ARL15: variants seen among roughly 807,000 people sequenced by gnomAD.
The protein encoded by ARL15 is ADP-ribosylation factor-like protein 15.
In ARL15, 19 loss-of-function variants were observed where a neutral mutation model predicts 25.2. The observed-to-expected ratio is 0.75, with a 90% CI of 0.53 to 1.10. ARL15 has a LOEUF of 1.10. ARL15 is among the 50% of genes least tolerant of loss of function. The pLI, the probability that ARL15 is intolerant of heterozygous loss-of-function variation, is 0.00. For synonymous variants in ARL15, 94 were observed against 86.8 expected, an observed-to-expected ratio of 1.08 and a Z score of -0.46; for missense variants, 220 against 246.0, an observed-to-expected ratio of 0.89 and a Z score of 0.71.
chr5:54,033,824 T>C (rs922850153), intron 4 of ARL15, among the ~76,000 whole-genome samples: 3 of 152,190 alleles, frequency 2.0e-5, no homozygotes, highest in Non-Finnish European at 2.9e-5. Flanking sequence ...AGGACTGTCT[T>C]TTTTATTGAG....
rs1441439955 is a variant in ARL15, at chr5:54,009,117, T to C, written c.462+104085A>G. 2.0e-5 allele frequency among the ~76,000 whole-genome samples: 3 copies of C among 152,232 alleles called. No individual in the cohort carries two copies. In the East Asian group the frequency reaches 5.8e-4, roughly 29 times the overall value. ...AAAACAAAAGGTGCTTCATATTATA[T>C]ATGTAAATGCAAAGGTGCCTTAATT... is the stretch of plus-strand genomic sequence containing the variant. On this transcript the variant is annotated intron_variant, in intron 4 of 4. Transcript: ENST00000504924.
chr5:54,290,632 T>C, intron 1 of ARL15, among the ~76,000 whole-genome samples: 1 of 152,120 alleles, frequency 6.6e-6, no homozygotes, highest in East Asian at 1.9e-4. Flanking sequence ...TATTCAATAA[T>C]ATTTAATATT....
chr5:54,291,433 G>A (rs972079749), intron 1 of ARL15, among the ~76,000 whole-genome samples: 1 of 152,220 alleles, frequency 6.6e-6, no homozygotes, highest in Non-Finnish European at 1.5e-5. Flanking sequence ...CAATGACAAT[G>A]TTGTGTAATT....
chr5:53,921,645 G>A (rs1218340958), intron 4 of ARL15, among the ~76,000 whole-genome samples: 3 of 152,122 alleles, frequency 2.0e-5, no homozygotes, highest in Admixed American at 2.0e-4. Flanking sequence ...GGTGGAGTGC[G>A]CCAGTAGTCC....
At chr5:54,157,259 C>T (rs1234735997) in intron 2 of ARL15, among the ~76,000 whole-genome samples, 1 of 152,158 alleles carries the variant, frequency 6.6e-6, no homozygotes, top group Non-Finnish European at 1.5e-5. Context: ...ATTGCTGCAC[C>T]TATGTGCAAA....
intron 4 of ARL15, among the ~76,000 whole-genome samples, chr5:54,069,024 CAT>C (rs1283391350): frequency 6.6e-6 from 1 of 152,088 alleles, no homozygotes; most frequent in Non-Finnish European, 1.5e-5. Flanking sequence ...GTTATATTAA[CAT>C]ATAAATTTTT....
At chr5:54,203,103 C>T (rs1468986168) in intron 1 of ARL15, among the ~76,000 whole-genome samples, 1 of 152,138 alleles carries the variant, frequency 6.6e-6, no homozygotes, top group Non-Finnish European at 1.5e-5. Context: ...CTCCTCACAA[C>T]TTGGCCTCAT....
At chr5:54,130,977 T>C (rs1005609709) in intron 3 of ARL15, among the ~76,000 whole-genome samples, 8 of 152,162 alleles carry the variant, frequency 5.3e-5, no homozygotes, top group African/African-American at 1.9e-4. Context: ...AATGTCTAGA[T>C]GAAATCTGAA....
At chr5:54,093,919 G>A (rs1657679634) in intron 4 of ARL15, among the ~76,000 whole-genome samples, 1 of 152,150 alleles carries the variant, frequency 6.6e-6, no homozygotes, top group African/African-American at 2.4e-5. Flanking sequence ...TTATGTGCAT[G>A]CAACACACAC....
At chr5:54,076,590 T>C (rs255767) in intron 4 of ARL15, among the ~76,000 whole-genome samples, 76,334 of 151,882 alleles carry the variant, frequency 0.5, 21,347 homozygotes, top group Non-Finnish European at 0.62. Flanking sequence ...GAAAGTATTC[T>C]TCACTGCAGA....
chr5:53,913,019 G>A (rs1209539273), intron 4 of ARL15, among the ~76,000 whole-genome samples: 1 of 152,184 alleles, frequency 6.6e-6, no homozygotes, highest in Non-Finnish European at 1.5e-5. Context: ...GGGTGGTCAG[G>A]CCAGGCATGC....
At chr5:54,236,445 C>CAA (rs1260245499) in intron 1 of ARL15, among the ~76,000 whole-genome samples, 1 of 146,002 alleles carries the variant, frequency 6.8e-6, no homozygotes, top group Non-Finnish European at 1.5e-5. Flanking sequence ...CACACACACA[C>CAA]AAATCAGTAG....
At chr5:54,199,341 A>G (rs1232267390) in intron 1 of ARL15, among the ~76,000 whole-genome samples, 1 of 151,820 alleles carries the variant, frequency 6.6e-6, no homozygotes, top group Non-Finnish European at 1.5e-5. Flanking sequence ...AAAAGAAACT[A>G]CCATCAGAGT....
chr5:54,287,080 A>G (rs1401652322), intron 1 of ARL15, among the ~76,000 whole-genome samples: 1 of 151,908 alleles, frequency 6.6e-6, no homozygotes, highest in African/African-American at 2.4e-5. Context: ...AGTTCTCACT[A>G]TGTTGGCCAG....
chr5:53,912,029 G>C (rs1434733436), intron 4 of ARL15: 1 of 150,372 alleles, frequency 6.7e-6, no homozygotes, highest in African/African-American at 2.5e-5. Context: ...TTTTTTAATG[G>C]AATACTTTAT....
At chr5:54,130,333 A>T (rs1753392279) in intron 3 of ARL15, among the ~76,000 whole-genome samples, 1 of 152,236 alleles carries the variant, frequency 6.6e-6, no homozygotes, top group Non-Finnish European at 1.5e-5. Context: ...ATTTAAAAAA[A>T]GTGTTCTGGG....
intron 4 of ARL15, among the ~76,000 whole-genome samples, chr5:53,938,103 C>A (rs916841359): frequency 2.0e-5 from 3 of 152,126 alleles, no homozygotes; most frequent in East Asian, 3.9e-4. Flanking sequence ...ACACCCTCAA[C>A]TGATATGGGG....
At chr5:54,151,001 C>G (rs1038412774) in intron 3 of ARL15, among the ~76,000 whole-genome samples, 1 of 152,086 alleles carries the variant, frequency 6.6e-6, no homozygotes, top group African/African-American at 2.4e-5. Context: ...TGGTTAGGCA[C>G]AAGAGCTCAG....
In ARL15 at chr5:53,885,193, A is replaced by G. The variant is rs1194733988; in HGVS notation, c.*1368T>C. On this transcript the variant is annotated 3_prime_UTR_variant, in exon 5 of 5. Transcript: ENST00000504924. ...TACTTAAAATTACAAACATGTTTTTACACTCATGTGCAGGGAGCAGTTTTT... is the reference window on the plus strand; with the variant it reads ...TACTTAAAATTACAAACATGTTTTTGCACTCATGTGCAGGGAGCAGTTTTT... 2.6e-5 allele frequency: 4 copies of G among 152,416 alleles called. No homozygotes were observed. The highest frequency in any genetic ancestry group is 5.9e-5 in the Non-Finnish European group (4 of 67,908). The allele number at this position is 152,416 out of a possible 1,614,324, so 9.4% of individuals were successfully genotyped here.
Sources: allele counts gnomAD v4.1 joint callset (sites outside exome capture counted in the v4.1 genomes callset), GRCh38; gene constraint gnomAD v4.1.1; transcripts MANE v1.5; gene names NCBI Gene and HGNC (gene_info 2026-07-23, HGNC 2026-07-21).